The following SDC3 variants were observed in gnomAD, a reference collection of about 807,000 sequenced individuals.
SDC3 encodes syndecan 3.
A neutral mutation model predicts 24.4 loss-of-function variants in SDC3; 13 were observed. The ratio of observed to expected loss-of-function variants is 0.53; its 90% CI spans 0.35 to 0.85. The LOEUF is 0.85. Among genes scored for constraint, SDC3 ranks in the 40% least tolerant of loss-of-function variants. SDC3 has a pLI of 0.01. For synonymous variants in SDC3, 295 were observed against 260.9 expected (o/e 1.13, Z -1.26); for missense variants, 571 against 584.5 (o/e 0.98, Z 0.24).
At position 30,890,570 on chromosome 1, in the gene SDC3, T is replaced by C. The variant is rs78549663; in HGVS notation, c.139-11830A>G. ...GATAAAAACGTTCTAAATTTAGTGA[T>C]GGCTTTACAACTATGTAAATATACT... On this transcript the variant is annotated intron_variant, in intron 1 of 4. Transcript: ENST00000339394. Among the ~76,000 whole-genome samples, 1,270 of 152,334 alleles carry C rather than the reference T, an allele frequency of 8.3e-3. 16 individuals carry two copies. The highest frequency in any genetic ancestry group is 0.029 in the African/African-American group (1,202 of 41,578).
At chr1:30,875,049 G>A (rs1372031363) in intron 3 of SDC3, among the ~76,000 whole-genome samples, 1 of 152,204 alleles carries the variant, frequency 6.6e-6, no homozygotes, top group Non-Finnish European at 1.5e-5. Flanking sequence ...TCTGTAGCCT[G>A]GAGGCCAGTC....
At chr1:30,878,081 G>C (rs533368498) in intron 2 of SDC3, 3 of 152,916 alleles carry the variant, frequency 2.0e-5, no homozygotes, top group South Asian at 2.1e-4. Context: ...AGAAGAAGTC[G>C]TATTTCTCAC....
intron 1 of SDC3, among the ~76,000 whole-genome samples, chr1:30,882,098 C>T (rs945603975): frequency 1.3e-5 from 2 of 152,314 alleles, no homozygotes; most frequent in South Asian, 2.1e-4. Context: ...CACCCTGCCT[C>T]CACATGTGCG....
intron 3 of SDC3, 42 bp downstream of exon 3, chr1:30,876,510 C>G (rs1180484126): frequency 6.9e-7 from 1 of 1,453,548 alleles, no homozygotes; most frequent in South Asian, 1.5e-5. Context: ...CCCTGACCCA[C>G]CCTCCTCCGC....
chr1:30,905,960 GACAC>G (rs140209147), intron 1 of SDC3, among the ~76,000 whole-genome samples: 94 of 147,530 alleles, frequency 6.4e-4, no homozygotes, highest in African/African-American at 1.7e-3. Flanking sequence ...AAGACACGAA[GACAC>G]ACACACACAC....
intron 1 of SDC3, among the ~76,000 whole-genome samples, chr1:30,887,905 C>A (rs1449942716): frequency 1.3e-5 from 2 of 152,226 alleles, no homozygotes; most frequent in Non-Finnish European, 2.9e-5. Context: ...GAGGAATGAA[C>A]AAGAGTTCTC....
chr1:30,904,567 G>C (rs1263975749), intron 1 of SDC3, among the ~76,000 whole-genome samples: 5 of 152,044 alleles, frequency 3.3e-5, no homozygotes, highest in Admixed American at 3.3e-4. Flanking sequence ...ACTCACAGCT[G>C]GAGGCATTGT....
intron 3 of SDC3, among the ~76,000 whole-genome samples, chr1:30,875,058 T>C (rs2124307792): frequency 6.6e-6 from 1 of 152,240 alleles, no homozygotes; most frequent in African/African-American, 2.4e-5. Context: ...TGGAGGCCAG[T>C]CCAAGAGCAC....
intron 1 of SDC3, among the ~76,000 whole-genome samples, chr1:30,897,540 CAAAGTCCCAAG>C: frequency 6.6e-6 from 1 of 152,260 alleles, no homozygotes; most frequent in African/African-American, 2.4e-5. Flanking sequence ...GCCAGGAGCC[CAAAGTCCCAAG>C]AAAGGGCCTG....
chr1:30,888,945 G>GC (rs199996339), intron 1 of SDC3, among the ~76,000 whole-genome samples: 5 of 134,322 alleles, frequency 3.7e-5, no homozygotes, highest in African/African-American at 1.6e-4. Context: ...GGCCACACTT[G>GC]CCCCAGGACT....
intron 1 of SDC3, among the ~76,000 whole-genome samples, chr1:30,901,006 C>T (rs554733715): frequency 7.9e-5 from 12 of 152,244 alleles, no homozygotes; most frequent in African/African-American, 2.6e-4. Flanking sequence ...CCCAGAAAAC[C>T]CTGGCTAAGT....
At chr1:30,891,392 C>G (rs1477706732) in intron 1 of SDC3, among the ~76,000 whole-genome samples, 1 of 152,236 alleles carries the variant, frequency 6.6e-6, no homozygotes, top group South Asian at 2.1e-4. Context: ...CCACTCTACT[C>G]TCTGGCAGAG....
At chr1:30,882,060 C>T (rs930787183) in intron 1 of SDC3, among the ~76,000 whole-genome samples, 2 of 152,142 alleles carry the variant, frequency 1.3e-5, no homozygotes, top group African/African-American at 2.4e-5. Context: ...GGGCTGAGCA[C>T]GGGACCCAAC....
chr1:30,874,724 AG>A (rs1639610038), intron 3 of SDC3, 136 bp from the exon 4 acceptor site: 3 of 812,046 alleles, frequency 3.7e-6, no homozygotes, highest in Non-Finnish European at 5.9e-6. Context: ...ATCCCCATGA[AG>A]GAGTGTAACA....
intron 3 of SDC3, among the ~76,000 whole-genome samples, chr1:30,875,812 G>C (rs1189402486): frequency 4.6e-5 from 7 of 152,310 alleles, no homozygotes; most frequent in Admixed American, 4.6e-4. Context: ...CGGAGCCTTG[G>C]GAAGTGGCTT....
chr1:30,900,780 T>A (rs1229912154), intron 1 of SDC3, among the ~76,000 whole-genome samples: 6 of 151,930 alleles, frequency 3.9e-5, no homozygotes, highest in Admixed American at 3.9e-4. Flanking sequence ...TAAATTACCC[T>A]CATTAAAGTC....
chr1:30,894,752 C>T (rs957219048), intron 1 of SDC3, among the ~76,000 whole-genome samples: 2 of 151,496 alleles, frequency 1.3e-5, no homozygotes, highest in African/African-American at 4.9e-5. Flanking sequence ...TGTGGGCGTA[C>T]ACAGGCATGC....
At position 30,876,689 on chromosome 1, in the gene SDC3, T is replaced by C. The variant is rs368274500; in HGVS notation, c.733A>G (p.Thr245Ala). The C allele has an allele frequency of 9.4e-6, 15 of 1,603,164 alleles. No homozygotes were observed. The highest frequency in any genetic ancestry group is 8.0e-5 in the African/African-American group (6 of 74,624). ...TAAVLDTEAP[T>A]PRLVSTATSR... is the part of the protein sequence containing the mutation. ...GTAGCTGTGCTGACCAGCCTGGGTG[T>C]TGGGGCCTCGGTGTCCAAGACAGCC... The change falls in exon 3 of 5, where the codon ACA becomes GCA. Residue 245 changes from threonine to alanine, a missense_variant. Physicochemically the swap from Thr to Ala is moderately conservative, Grantham distance 58 (BLOSUM62 0). This residue lies in a region of SDC3 where 497 missense variants were observed against 471.6 expected (regional missense o/e 1.05). Transcript: ENST00000339394.
At chr1:30,875,392 C>G (rs780682694) in intron 3 of SDC3, among the ~76,000 whole-genome samples, 1 of 152,150 alleles carries the variant, frequency 6.6e-6, no homozygotes, top group Non-Finnish European at 1.5e-5. Context: ...CCTGCTTGGC[C>G]AAGTCTGTGT....
Sources: allele counts gnomAD v4.1 joint callset (sites outside exome capture counted in the v4.1 genomes callset), GRCh38; gene constraint gnomAD v4.1.1; regional missense constraint gnomAD v4.1.1; transcripts MANE v1.5; gene names NCBI Gene and HGNC (gene_info 2026-07-23, HGNC 2026-07-21).